ABCA9: variants seen among roughly 807,000 people sequenced by gnomAD.
ABCA9 encodes ATP binding cassette subfamily A member 9.
A neutral mutation model predicts 205.3 loss-of-function variants in ABCA9; 183 were observed. The ratio of observed to expected loss-of-function variants is 0.89; its 90% CI spans 0.79 to 1.01. The LOEUF (loss-of-function observed/expected upper bound fraction) is 1.01. Among genes scored for constraint, ABCA9 ranks in the 50% least tolerant of loss-of-function variants. The pLI is 0.00. For synonymous variants in ABCA9, 651 were observed against 683.3 expected, an observed-to-expected ratio of 0.95 and a Z score of 0.74; for missense variants, 1,805 against 1,912.4, an observed-to-expected ratio of 0.94 and a Z score of 1.05.
At chr17:69,009,835 G>A (rs566160208) in intron 23 of ABCA9, among the ~76,000 whole-genome samples, 1 of 152,260 alleles carries the variant, frequency 6.6e-6, no homozygotes, top group African/African-American at 2.4e-5. Context: ...CTATGAAGAT[G>A]AGAGAGAAAG....
rs1270781825 is a variant in ABCA9, at chr17:69,027,668, C to T, written c.1763G>A (p.Gly588Glu). 1 of 1,613,342 alleles carries T rather than the reference C, an allele frequency of 6.2e-7. No individual in the cohort carries two copies. The highest frequency in any genetic ancestry group is 1.7e-5 in the Admixed American group (1 of 59,928). Residue 588 changes from glycine to glutamate, a missense_variant, in exon 13 of 39, where the codon GGG (glycine) becomes GAG (glutamate). By Grantham distance (98) the Gly-to-Glu change is moderately conservative. Coordinates refer to ENST00000340001, the MANE Select transcript of ABCA9 (RefSeq NM_080283.4). ...ENLRLFAKIKGILPHEVEKEV... is the reference protein window; with the variant it reads ...ENLRLFAKIKEILPHEVEKEV... ...TTTCTCCACTTCATGTGGCAAAATC[C>T]CTTTTATTTTAGCAAACAGCCTGAG...
intron 15 of ABCA9, 99 bp downstream of exon 15, chr17:69,026,877 A>G (rs570195221): frequency 1.4e-6 from 2 of 1,428,786 alleles, no homozygotes; most frequent in East Asian, 4.7e-5. Context: ...GTCTTGGGCC[A>G]TGGCAGTTCC....
chr17:69,027,067 C>T lies in ABCA9; in HGVS notation c.1959G>A (p.Arg653=), dbSNP rs1288654711. 10 of 1,614,114 alleles carry T rather than the reference C, an allele frequency of 6.2e-6. No individual in the cohort carries two copies. Among genetic ancestry groups the T allele is most frequent in the Non-Finnish European group, 8.5e-6 (10 of 1,179,994 alleles). Reference sequence around the variant, plus strand: ...CTTTCAGGAGATTCCATATTCGGTGCCTTGAAAGAGGATCCAATCCAGCAG... The same window carrying T: ...CTTTCAGGAGATTCCATATTCGGTGTCTTGAAAGAGGATCCAATCCAGCAG... ...EPTAGLDPLS[R]HRIWNLLKEG... Residue 653 remains arginine, a synonymous_variant, in exon 15 of 39, where the codon AGG becomes AGA. Coordinates refer to ENST00000340001, the MANE Select transcript of ABCA9 (RefSeq NM_080283.4).
chr17:69,041,310 TATG>T (rs1213994843), intron 6 of ABCA9, among the ~76,000 whole-genome samples: 1 of 152,214 alleles, frequency 6.6e-6, no homozygotes, highest in Non-Finnish European at 1.5e-5. Flanking sequence ...AGGCTTTTCT[TATG>T]AGAGGAAAAA....
intron 22 of ABCA9, among the ~76,000 whole-genome samples, chr17:69,012,841 G>C (rs2070431972): frequency 6.6e-6 from 1 of 151,990 alleles, no homozygotes; most frequent in Non-Finnish European, 1.5e-5. Context: ...CATTCTTTCT[G>C]TATCTATTTT....
In ABCA9 at chr17:68,989,861, T is replaced by C; in HGVS notation, c.3907A>G (p.Arg1303Gly). ...AGKKKNCFSK[R>G]KKKIATRNVS... ...TTTCTTGTGGCAATTTTTTTCTTCC[T>C]TTTAGAAAAGCAATTTTTCTTTTTG... Residue 1303 changes from arginine to glycine, a missense_variant, in exon 30 of 39, where the codon AGG (arginine) becomes GGG (glycine). Transcript: ENST00000340001. The C allele has an allele frequency of 1.2e-6, 2 of 1,613,346 alleles. No individual in the cohort carries two copies. Among genetic ancestry groups the C allele is most frequent in the Non-Finnish European group, 1.7e-6 (2 of 1,179,426 alleles).
rs772785884 is a variant in ABCA9, at chr17:68,983,699, C to G, written c.4640+10G>C. ...CAAGGACTGTGATAAAACAAAACAC[C>G]TGTGTCTACCTTTCCTGCTGAGCAG... On this transcript the variant is annotated intron_variant, in intron 36 of 38. Coordinates refer to ENST00000340001, the MANE Select transcript of ABCA9 (RefSeq NM_080283.4). The G allele has an allele frequency of 6.2e-7, 1 of 1,613,370 alleles. No homozygotes were observed. Among genetic ancestry groups the G allele is most frequent in the Non-Finnish European group, 8.5e-7 (1 of 1,179,774 alleles).
At chr17:69,004,002 T>C (rs965515095) in intron 25 of ABCA9, among the ~76,000 whole-genome samples, 1 of 152,212 alleles carries the variant, frequency 6.6e-6, no homozygotes, top group East Asian at 1.9e-4. Context: ...TATTCGTTAT[T>C]CTAGTTATAC....
rs1384141412 is a variant in ABCA9 at position 68,996,020 on chromosome 17, A to G, written c.3436-6T>C. 1 of 1,613,172 alleles carries G rather than the reference A, an allele frequency of 6.2e-7. No individual in the cohort carries two copies. The highest frequency in any genetic ancestry group is 8.5e-7 in the Non-Finnish European group (1 of 1,179,848). On this transcript the variant is annotated splice_polypyrimidine_tract_variant and splice_region_variant and intron_variant, in intron 25 of 38. Coordinates refer to ENST00000340001, the MANE Select transcript of ABCA9 (RefSeq NM_080283.4). ...ACTATCGAGAAGATGACCACCTAAA[A>G]CAAATGCACAGTATAGCGTCATTAA...
chr17:69,046,006 G>A (rs918521718), intron 3 of ABCA9, among the ~76,000 whole-genome samples: 1 of 151,956 alleles, frequency 6.6e-6, no homozygotes, highest in East Asian at 1.9e-4. Context: ...AAATTCCAAC[G>A]GTATTGGAAA....
At chr17:69,051,499 G>C (rs575083055) in intron 1 of ABCA9, 18 of 227,174 alleles carry the variant, frequency 7.9e-5, no homozygotes, top group Non-Finnish European at 1.5e-4. Flanking sequence ...AGTCACATGG[G>C]TGATTCATTA....
chr17:68,988,063 C>A (rs1318159597), intron 31 of ABCA9, among the ~76,000 whole-genome samples: 8 of 152,138 alleles, frequency 5.3e-5, no homozygotes, highest in Non-Finnish European at 1.5e-5. Flanking sequence ...CGTGCCCGGA[C>A]CTCATTTGCA....
At position 69,020,704 on chromosome 17, in the gene ABCA9, G is replaced by A; in HGVS notation, c.2402-118C>T. 7 of 744,764 alleles carry A rather than the reference G, an allele frequency of 9.4e-6. No individual in the cohort carries two copies. In the South Asian group the frequency reaches 1.3e-4, roughly 14 times the overall value. The allele number at this position is 744,764 out of a possible 1,614,324, so 46.1% of individuals were successfully genotyped here. A position where few individuals can be genotyped will look rare whatever the true frequency, so the allele number is the denominator to read the frequency against. On this transcript the variant is annotated intron_variant, in intron 18 of 38. Coordinates refer to ENST00000340001, the MANE Select transcript of ABCA9 (RefSeq NM_080283.4). The stretch of plus-strand genomic sequence containing the variant: ...GTTACCCTCTTGGGCCAAGATACAA[G>A]TAATCTAATGTATGACATTATTAGA...
At chr17:69,005,922 TATTTAA>T (rs1281880798) in intron 25 of ABCA9, among the ~76,000 whole-genome samples, 1 of 152,218 alleles carries the variant, frequency 6.6e-6, no homozygotes, top group Non-Finnish European at 1.5e-5. Context: ...TTTCTTTCCT[TATTTAA>T]GACTTTAGGT....
rs747419630 is a variant in ABCA9, at chr17:68,984,180, A to G, written c.4380-5T>C. 3 of 1,613,700 alleles carry G rather than the reference A, an allele frequency of 1.9e-6. No homozygotes were observed. Among genetic ancestry groups the G allele is most frequent in the South Asian group, 2.2e-5 (2 of 91,040 alleles). On this transcript the variant is annotated splice_polypyrimidine_tract_variant and splice_region_variant and intron_variant, in intron 34 of 38. Coordinates refer to ENST00000340001, the MANE Select transcript of ABCA9 (RefSeq NM_080283.4). Reference sequence around the variant, plus strand: ...AAGGTGGCCCGAATCACCTGCCTAAAGTTAAGTCAAGAGAAAACGTGAACT... The same window carrying G: ...AAGGTGGCCCGAATCACCTGCCTAAGGTTAAGTCAAGAGAAAACGTGAACT...
chr17:68,998,246 T>C (rs1473469247), intron 25 of ABCA9, among the ~76,000 whole-genome samples: 1 of 152,254 alleles, frequency 6.6e-6, no homozygotes, highest in Non-Finnish European at 1.5e-5. Context: ...AACATCATTG[T>C]GCAGGTTTTT....
At chr17:69,043,951 T>A (rs149724704) in intron 5 of ABCA9, among the ~76,000 whole-genome samples, 1 of 152,214 alleles carries the variant, frequency 6.6e-6, no homozygotes, top group Admixed American at 6.5e-5. Context: ...CTAGCTGAAA[T>A]GTCACTTCAA....
the ABCA9 span, among the ~76,000 whole-genome samples, chr17:69,070,254 T>C: frequency 6.6e-6 from 1 of 151,954 alleles, no homozygotes; most frequent in East Asian, 1.9e-4. Flanking sequence ...TAAATATAAA[T>C]GATCAAAAAA....
At chr17:69,072,212 C>T in the ABCA9 span, among the ~76,000 whole-genome samples, 12 of 152,160 alleles carry the variant, frequency 7.9e-5, no homozygotes, top group South Asian at 4.1e-4. Context: ...TCTAGCAAGA[C>T]AGGCCAACAT....
Sources: gnomAD v4.1 joint callset for allele counts (sites outside exome capture counted in the v4.1 genomes callset) on GRCh38, gnomAD v4.1.1 for gene constraint, MANE v1.5 for transcripts, NCBI Gene and HGNC (gene_info 2026-07-23, HGNC 2026-07-21) for gene names.